FHIT: variants seen among roughly 807,000 people sequenced by gnomAD.
FHIT encodes the protein fragile histidine triad diadenosine triphosphatase.
A neutral mutation model predicts 17.9 loss-of-function variants in FHIT; 19 were observed. That is an observed-to-expected ratio of 1.06 (90% CI 0.74 to 1.56). The LOEUF is 1.56. Among genes scored for constraint, FHIT ranks in the 40% most tolerant of loss-of-function variants. The pLI is 0.00. For synonymous variants in FHIT, 81 were observed against 69.7 expected, an observed-to-expected ratio of 1.16 and a Z score of -0.81; for missense variants, 248 against 189.2, an observed-to-expected ratio of 1.31 and a Z score of -1.82.
chr3:61,200,036 G>A (rs937972516), intron 2 of FHIT, among the ~76,000 whole-genome samples: 5 of 152,156 alleles, frequency 3.3e-5, no homozygotes, highest in Non-Finnish European at 7.4e-5. Flanking sequence ...TTTCACAAGA[G>A]ACCGAGTAGG....
At chr3:61,047,371 C>A (rs1262438002) in intron 2 of FHIT, among the ~76,000 whole-genome samples, 1 of 152,154 alleles carries the variant, frequency 6.6e-6, no homozygotes, top group Non-Finnish European at 1.5e-5. Context: ...TGAGTGAACT[C>A]CCATTCTCAA....
intron 8 of FHIT, among the ~76,000 whole-genome samples, chr3:59,908,188 A>G (rs903993817): frequency 2.0e-5 from 3 of 152,234 alleles, no homozygotes; most frequent in Non-Finnish European, 2.9e-5. Flanking sequence ...ACTGCAAGCC[A>G]TCCCTTTGAA....
At chr3:60,814,262 A>G (rs1218524115) in intron 4 of FHIT, among the ~76,000 whole-genome samples, 2 of 151,966 alleles carry the variant, frequency 1.3e-5, no homozygotes, top group African/African-American at 4.8e-5. Context: ...ACCTGGGTAT[A>G]TTGCATCATG....
chr3:61,095,739 A>C, intron 2 of FHIT, among the ~76,000 whole-genome samples: 1 of 152,034 alleles, frequency 6.6e-6, no homozygotes, highest in East Asian at 1.9e-4. Context: ...TTTCGCTGCC[A>C]CCACATTTAC....
chr3:60,915,566 A>G (rs1553766926), intron 3 of FHIT, among the ~76,000 whole-genome samples: 1 of 152,194 alleles, frequency 6.6e-6, no homozygotes, highest in Non-Finnish European at 1.5e-5. Flanking sequence ...CAGGAAGGAT[A>G]GAAGCATTGG....
intron 5 of FHIT, among the ~76,000 whole-genome samples, chr3:60,191,723 T>C (rs1421473812): frequency 2.0e-5 from 3 of 152,156 alleles, no homozygotes; most frequent in Non-Finnish European, 2.9e-5. Flanking sequence ...CCCAAATAAA[T>C]TGGAGACAGA....
chr3:60,936,959 C>A (rs967442328), intron 3 of FHIT, among the ~76,000 whole-genome samples: 6 of 152,102 alleles, frequency 3.9e-5, no homozygotes, highest in Non-Finnish European at 2.9e-5. Flanking sequence ...TTACAAATGA[C>A]TAAACTGTAT....
intron 4 of FHIT, among the ~76,000 whole-genome samples, chr3:60,635,476 C>A (rs1027220891): frequency 6.6e-6 from 1 of 152,212 alleles, no homozygotes; most frequent in Non-Finnish European, 1.5e-5. Context: ...CCCAACCACA[C>A]TACCCTTTCC....
rs1199971157 is a variant in FHIT at position 60,174,635 on chromosome 3, C to T, written c.104-160483G>A. On this transcript the variant is annotated intron_variant, in intron 5 of 9. Transcript: ENST00000492590. Reference sequence around the variant, plus strand: ...TTATAAATCTATTTGCTTTCAAGGTCCATGCTTTTTTTTTTCAAGCTCAGA... The same window carrying T: ...TTATAAATCTATTTGCTTTCAAGGTTCATGCTTTTTTTTTTCAAGCTCAGA... Among the ~76,000 whole-genome samples the T allele has an allele frequency of 4.0e-5, 6 of 150,266 alleles. No homozygotes were observed. The East Asian group carries it at 1.2e-3, about 30-fold the overall frequency.
At chr3:60,732,234 C>T in intron 4 of FHIT, 1 of 845,918 alleles carries the variant, frequency 1.2e-6, no homozygotes, top group South Asian at 1.3e-5. Flanking sequence ...CCATGATATT[C>T]ATGCCTTCAC....
At chr3:60,226,867 A>G (rs1280407930) in intron 5 of FHIT, among the ~76,000 whole-genome samples, 1 of 152,034 alleles carries the variant, frequency 6.6e-6, no homozygotes, top group Non-Finnish European at 1.5e-5. Flanking sequence ...CTCTATGTGA[A>G]TGTGAGCCAT....
intron 5 of FHIT, among the ~76,000 whole-genome samples, chr3:60,171,895 C>G (rs893885726): frequency 6.6e-6 from 1 of 152,008 alleles, no homozygotes; most frequent in African/African-American, 2.4e-5. Flanking sequence ...AATGGGATCT[C>G]ACTATGTTGC....
intron 4 of FHIT, among the ~76,000 whole-genome samples, chr3:60,607,916 C>G (rs1553671834): frequency 1.3e-5 from 2 of 152,240 alleles, no homozygotes; most frequent in East Asian, 3.9e-4. Flanking sequence ...TGTCTATTCC[C>G]TTTGGCACTT....
At chr3:60,353,612 A>AT (rs1295463733) in intron 5 of FHIT, among the ~76,000 whole-genome samples, 2 of 152,090 alleles carry the variant, frequency 1.3e-5, no homozygotes, top group East Asian at 1.9e-4. Context: ...AAAAAGTGAG[A>AT]TTTTTTATTT....
At chr3:59,977,021 G>T (rs1048721112) in intron 7 of FHIT, among the ~76,000 whole-genome samples, 1 of 152,048 alleles carries the variant, frequency 6.6e-6, no homozygotes. Flanking sequence ...TCAGGCAGTG[G>T]GGGACAGTGA....
At chr3:60,094,565 G>T (rs777982767) in intron 5 of FHIT, among the ~76,000 whole-genome samples, 1 of 152,156 alleles carries the variant, frequency 6.6e-6, no homozygotes, top group Non-Finnish European at 1.5e-5. Context: ...AATTGAAGGT[G>T]GCATTCCAAG....
intron 3 of FHIT, among the ~76,000 whole-genome samples, chr3:60,827,213 G>A (rs1156588650): frequency 1.3e-5 from 2 of 152,182 alleles, no homozygotes; most frequent in Non-Finnish European, 2.9e-5. Context: ...AAAGCCCAAA[G>A]TGACCTGAAT....
chr3:60,324,573 G>GGAAAAAAAAAAAAA (rs757433390), intron 5 of FHIT, among the ~76,000 whole-genome samples: 29 of 128,864 alleles, frequency 2.3e-4, no homozygotes, highest in African/African-American at 7.1e-4. Flanking sequence ...GACTCCATCA[G>GGAAAAAAAAAAAAA]AAAAAAAAAA....
intron 3 of FHIT, among the ~76,000 whole-genome samples, chr3:60,967,889 C>T (rs1318438390): frequency 6.6e-6 from 1 of 152,100 alleles, no homozygotes; most frequent in African/African-American, 2.4e-5. Context: ...CAAATACCAT[C>T]TATTAAAAAA....
Sources: allele counts gnomAD v4.1 joint callset (sites outside exome capture counted in the v4.1 genomes callset), GRCh38; gene constraint gnomAD v4.1.1; transcripts MANE v1.5; gene names NCBI Gene and HGNC (gene_info 2026-07-23, HGNC 2026-07-21).